The following GALNT17 variants were observed in gnomAD, a reference collection of about 807,000 sequenced individuals.
GALNT17 encodes polypeptide N-acetylgalactosaminyltransferase 17, also known as UDP-GalNAc:polypeptide N-acetylgalactosaminyltransferase-like 3.
GALNT17 carries 29 observed loss-of-function variants against 63.7 expected under a neutral mutation model. The observed-to-expected ratio is 0.46, with a 90% CI of 0.34 to 0.62. The LOEUF (loss-of-function observed/expected upper bound fraction) is 0.62, where lower values mean the gene tolerates loss of function less well. Among genes scored for constraint, GALNT17 ranks in the 20% least tolerant of loss-of-function variants. The pLI is 0.01. For synonymous variants in GALNT17, 305 were observed against 318.3 expected, an observed-to-expected ratio of 0.96 and a Z score of 0.45; for missense variants, 603 against 799.6, an observed-to-expected ratio of 0.75 and a Z score of 2.97.
At chr7:71,360,271 C>T (rs543120428) in intron 2 of GALNT17, among the ~76,000 whole-genome samples, 1 of 152,194 alleles carries the variant, frequency 6.6e-6, no homozygotes, top group Non-Finnish European at 1.5e-5. Flanking sequence ...AAAATTCATT[C>T]ATCCGATCGA....
chr7:71,197,366 ATTT>A (rs34168187), intron 1 of GALNT17, among the ~76,000 whole-genome samples: 3 of 138,932 alleles, frequency 2.2e-5, no homozygotes. Context: ...CGGCCGGCTA[ATTT>A]TTTTTTTTTT....
At position 71,669,976 on chromosome 7, in the gene GALNT17, C is replaced by T. The variant is rs747182395; in HGVS notation, c.1271C>T (p.Pro424Leu). The T allele has an allele frequency of 1.2e-5, 19 of 1,613,970 alleles. No individual in the cohort carries two copies. The highest frequency in any genetic ancestry group is 2.2e-5 in the East Asian group (1 of 44,848). The change falls in exon 8 of 11, where the codon CCG becomes CTG. Residue 424 changes from proline to leucine, a missense_variant. Pro to Leu is a moderately conservative substitution (Grantham distance 98). This residue lies in a region of GALNT17 where 336 missense variants were observed against 507.8 expected (regional missense o/e 0.66). Transcript: ENST00000333538. The stretch of plus-strand genomic sequence containing the variant: ...TTGGCTTCTCTCTCCTTTCAGAATC[C>T]GGGAATTGACATCGGTGATGTCTCC... ...YIAWNLPLEN[P>L]GIDIGDVSER...
At chr7:71,157,056 A>G (rs1788249685) in intron 1 of GALNT17, among the ~76,000 whole-genome samples, 1 of 151,860 alleles carries the variant, frequency 6.6e-6, no homozygotes, top group African/African-American at 2.4e-5. Context: ...TCTTAGGCTC[A>G]AGTGATCCTC....
intron 2 of GALNT17, among the ~76,000 whole-genome samples, chr7:71,377,116 T>TAG (rs1563047692): frequency 1.9e-5 from 1 of 53,214 alleles, no homozygotes; most frequent in East Asian, 4.4e-4. Flanking sequence ...ATAAAAAAAA[T>TAG]ATATATATAT....
rs576820325 is a variant in GALNT17, at chr7:71,235,269, T to A, written c.239-100281T>A. ...CCATCTCGGAAAAAAAAAAAAAAAA[T>A]TTGGTCTGTTCGTTTTAGGTGTTGC... On this transcript the variant is annotated intron_variant, in intron 1 of 10. Coordinates refer to ENST00000333538, the MANE Select transcript of GALNT17 (RefSeq NM_022479.3). Among the ~76,000 whole-genome samples the A allele has an allele frequency of 2.1e-3, 319 of 149,738 alleles. 4 individuals carry two copies. The highest frequency in any genetic ancestry group is 7.3e-3 in the African/African-American group (292 of 40,010).
At position 71,713,117 on chromosome 7, in the gene GALNT17, T is replaced by C. The variant is rs956268424; in HGVS notation, c.*971T>C. ...CCTCTCTGAAGAGTATTTTTTTCGA[T>C]TGCCCTCTGGTTAGGGTGCACATAT... On this transcript the variant is annotated 3_prime_UTR_variant, in exon 11 of 11. Transcript: ENST00000333538. The C allele has an allele frequency of 2.0e-5, 3 of 152,700 alleles. No homozygotes were observed. Among genetic ancestry groups the C allele is most frequent in the Non-Finnish European group, 1.5e-5 (1 of 68,070 alleles). The allele number at this position is 152,700 out of a possible 1,614,324, so 9.5% of individuals were successfully genotyped here.
intron 5 of GALNT17, among the ~76,000 whole-genome samples, chr7:71,456,439 C>T (rs1358387135): frequency 6.6e-6 from 1 of 152,040 alleles, no homozygotes; most frequent in African/African-American, 2.4e-5. Context: ...TGGCTCATGC[C>T]TGTAATCCCA....
intron 1 of GALNT17, among the ~76,000 whole-genome samples, chr7:71,249,295 T>C (rs943693116): frequency 1.3e-5 from 2 of 152,204 alleles, no homozygotes; most frequent in Non-Finnish European, 2.9e-5. Flanking sequence ...TCAAAGCATA[T>C]TCATATTTAT....
At chr7:71,460,345 T>TA (rs1787431694) in intron 5 of GALNT17, among the ~76,000 whole-genome samples, 1 of 152,058 alleles carries the variant, frequency 6.6e-6, no homozygotes, top group Non-Finnish European at 1.5e-5. Context: ...AAATTTTTGG[T>TA]GAAAAACGAT....
At chr7:71,565,466 C>A (rs1789327435) in intron 5 of GALNT17, among the ~76,000 whole-genome samples, 1 of 152,040 alleles carries the variant, frequency 6.6e-6, no homozygotes, top group African/African-American at 2.4e-5. Context: ...CTCTCTCTAG[C>A]ACTTCATCCT....
intron 1 of GALNT17, among the ~76,000 whole-genome samples, chr7:71,154,934 T>G (rs1788206747): frequency 6.6e-6 from 1 of 151,808 alleles, no homozygotes; most frequent in African/African-American, 2.4e-5. Flanking sequence ...AATGAAGATT[T>G]TATATATAAA....
At chr7:71,508,486 G>A (rs1359284396) in intron 5 of GALNT17, among the ~76,000 whole-genome samples, 4 of 152,120 alleles carry the variant, frequency 2.6e-5, no homozygotes, top group Non-Finnish European at 2.9e-5. Context: ...GAGAGCATTT[G>A]CCTGCCTTTC....
At chr7:71,341,896 TC>T (rs935960987) in intron 2 of GALNT17, among the ~76,000 whole-genome samples, 2 of 152,118 alleles carry the variant, frequency 1.3e-5, no homozygotes, top group Non-Finnish European at 2.9e-5. Flanking sequence ...GATCAATTAT[TC>T]CCACATCTTT....
intron 1 of GALNT17, among the ~76,000 whole-genome samples, chr7:71,197,396 G>A (rs1360169948): frequency 6.7e-6 from 1 of 150,234 alleles, no homozygotes; most frequent in African/African-American, 2.5e-5. Context: ...TTTTAGTGGA[G>A]ACGGGGTTTC....
intron 1 of GALNT17, among the ~76,000 whole-genome samples, chr7:71,263,075 C>T (rs1790414885): frequency 6.6e-6 from 1 of 152,132 alleles, no homozygotes; most frequent in African/African-American, 2.4e-5. Flanking sequence ...GACGGGCCAT[C>T]TGCAAACCAA....
intron 5 of GALNT17, among the ~76,000 whole-genome samples, chr7:71,488,491 C>T (rs1283569255): frequency 6.6e-6 from 1 of 151,770 alleles, no homozygotes; most frequent in Non-Finnish European, 1.5e-5. Flanking sequence ...ATGGGAATGG[C>T]ATCAGGATTG....
chr7:71,174,836 CA>C (rs1447079251), intron 1 of GALNT17, among the ~76,000 whole-genome samples: 18 of 152,156 alleles, frequency 1.2e-4, no homozygotes, highest in Admixed American at 6.5e-4. Context: ...GTGTAGGTCA[CA>C]GGGGATATGA....
intron 6 of GALNT17, among the ~76,000 whole-genome samples, chr7:71,586,154 TCCTCAG>T (rs1789714786): frequency 2.0e-5 from 3 of 151,994 alleles, no homozygotes; most frequent in Non-Finnish European, 2.9e-5. Context: ...TGATCCACCC[TCCTCAG>T]CCTCCCAAAG....
chr7:71,242,254 TTTTTTC>T (rs1437814491), intron 1 of GALNT17, among the ~76,000 whole-genome samples: 2,886 of 146,060 alleles, frequency 0.02, 86 homozygotes, highest in African/African-American at 0.071. Flanking sequence ...CTTTTTTTTT[TTTTTTC>T]TTTTTCTTTT....
Sources: gnomAD v4.1 joint callset for allele counts (sites outside exome capture counted in the v4.1 genomes callset) on GRCh38, gnomAD v4.1.1 for gene constraint, gnomAD v4.1.1 regional missense constraint, MANE v1.5 for transcripts, NCBI Gene and HGNC (gene_info 2026-07-23, HGNC 2026-07-21) for gene names.